CNTN5: variants seen among roughly 807,000 people sequenced by gnomAD.
The protein encoded by CNTN5 is contactin 5, also known as contactin-5.
CNTN5 carries 77 observed loss-of-function variants against 129.1 expected under a neutral mutation model. The ratio of observed to expected loss-of-function variants is 0.60; its 90% CI spans 0.50 to 0.72. The LOEUF is 0.72. Ranked by LOEUF, CNTN5 falls within the 30% of genes least tolerant of loss-of-function variation. CNTN5 has a pLI of 0.00. For synonymous variants in CNTN5, 509 were observed against 465.6 expected (o/e 1.09, Z -1.20); for missense variants, 1,478 against 1,328.8 (o/e 1.11, Z -1.75).
At chr11:99,352,765 C>A (rs1436107808) in intron 2 of CNTN5, among the ~76,000 whole-genome samples, 11 of 152,104 alleles carry the variant, frequency 7.2e-5, no homozygotes, top group Non-Finnish European at 1.5e-4. Flanking sequence ...GCTTATATAA[C>A]CTTGTGTTGA....
At position 99,107,938 on chromosome 11, in the gene CNTN5, TAAAA is replaced by T. The variant is rs55786739; in HGVS notation, c.-210+86687_-210+86690del. On this transcript the variant is annotated intron_variant, in intron 1 of 24. Transcript: ENST00000524871. ...AGAGCGAGACTCAGTCTCAAAAAAGTAAAAAAAAAAAAAAAAAAAAAAGGAAACT... is the reference window on the plus strand; with the variant it reads ...AGAGCGAGACTCAGTCTCAAAAAAGTAAAAAAAAAAAAAAAAAAGGAAACT... 3.7e-4 allele frequency among the ~76,000 whole-genome samples: 38 copies of T among 103,490 alleles called. 1 individual carries two copies. The highest frequency in any genetic ancestry group is 5.6e-3 in the Middle Eastern group (1 of 180). 67.9% of individuals were successfully genotyped at this position (103,490 alleles called of 152,430 possible).
At chr11:99,560,325 C>G (rs1948801598) in intron 3 of CNTN5, among the ~76,000 whole-genome samples, 1 of 150,800 alleles carries the variant, frequency 6.6e-6, no homozygotes, top group Admixed American at 6.6e-5. Context: ...TGGAGTTTCA[C>G]CTTGTCTCCC....
intron 3 of CNTN5, among the ~76,000 whole-genome samples, chr11:99,747,701 T>A (rs1043173316): frequency 2.0e-5 from 3 of 152,086 alleles, no homozygotes; most frequent in African/African-American, 4.8e-5. Context: ...TTCGATCTCC[T>A]GACCTTGTGA....
intron 16 of CNTN5, among the ~76,000 whole-genome samples, chr11:100,229,562 T>C (rs1159219203): frequency 1.3e-5 from 2 of 152,326 alleles, no homozygotes; most frequent in East Asian, 3.9e-4. Context: ...AAGTTTGACT[T>C]TTCTGCCTAT....
chr11:99,274,099 A>T (rs1235276609), intron 1 of CNTN5, among the ~76,000 whole-genome samples: 1 of 151,796 alleles, frequency 6.6e-6, no homozygotes, highest in African/African-American at 2.4e-5. Context: ...AGTGGCTAAC[A>T]TATTAGACTG....
At chr11:99,199,504 C>T (rs996520861) in intron 1 of CNTN5, among the ~76,000 whole-genome samples, 4 of 152,180 alleles carry the variant, frequency 2.6e-5, no homozygotes, top group African/African-American at 9.7e-5. Context: ...GCTCACCGTC[C>T]TGTGGGTTAG....
chr11:99,282,263 A>G (rs1217380568), intron 1 of CNTN5, among the ~76,000 whole-genome samples: 1 of 152,074 alleles, frequency 6.6e-6, no homozygotes, highest in African/African-American at 2.4e-5. Context: ...ACAAATATGG[A>G]CAATAAGCTA....
chr11:100,116,678 TATA>T (rs1945851320), intron 13 of CNTN5, among the ~76,000 whole-genome samples: 1 of 151,992 alleles, frequency 6.6e-6, no homozygotes. Context: ...ATAATGATAA[TATA>T]ATATCTTTTT....
Position 99,837,778 on chromosome 11 carries a change from G to A in CNTN5, c.278-7074G>A, listed in dbSNP as rs1947354024. On this transcript the variant is annotated intron_variant, in intron 4 of 24. Transcript: ENST00000524871. ...ATAATTTTAACATCAAGAATAAAGT[G>A]GGCTCTTAGGAAATACTTTATTGAG... 2.6e-5 allele frequency among the ~76,000 whole-genome samples: 4 copies of A among 151,326 alleles called. No individual in the cohort carries two copies. In the South Asian group the frequency reaches 8.3e-4, roughly 32 times the overall value.
chr11:100,200,320 G>T lies in CNTN5; in HGVS notation c.1884+6657G>T, dbSNP rs117540518. 4.7e-3 allele frequency among the ~76,000 whole-genome samples: 715 copies of T among 152,002 alleles called. 2 individuals are homozygous for T. The highest frequency in any genetic ancestry group is 0.016 in the South Asian group (78 of 4,824). ...GTCAAAATTAGTAAAATTAGGTAAC[G>T]TCTTCAAGTTGTCCCATATAAAAAG... On this transcript the variant is annotated intron_variant, in intron 15 of 24. Transcript: ENST00000524871.
intron 1 of CNTN5, among the ~76,000 whole-genome samples, chr11:99,108,573 A>G (rs538825144): frequency 1.3e-5 from 2 of 152,306 alleles, no homozygotes; most frequent in East Asian, 3.9e-4. Context: ...AACATCATAG[A>G]ATTTCTAATT....
chr11:99,258,280 T>C (rs561791359), intron 1 of CNTN5, among the ~76,000 whole-genome samples: 1 of 152,140 alleles, frequency 6.6e-6, no homozygotes, highest in East Asian at 1.9e-4. Flanking sequence ...ATTAGTTATT[T>C]TTCCTGATCC....
intron 6 of CNTN5, among the ~76,000 whole-genome samples, chr11:99,886,660 G>T (rs755726429): frequency 6.6e-6 from 1 of 152,042 alleles, no homozygotes; most frequent in Non-Finnish European, 1.5e-5. Flanking sequence ...AAAAATACTA[G>T]TAATGACGCT....
intron 3 of CNTN5, among the ~76,000 whole-genome samples, chr11:99,657,131 C>T (rs542418803): frequency 1.4e-4 from 21 of 151,540 alleles, no homozygotes; most frequent in Admixed American, 2.6e-4. Flanking sequence ...AATCGCAAAC[C>T]TCCAACAAAA....
At chr11:99,255,591 T>C (rs2135806050) in intron 1 of CNTN5, among the ~76,000 whole-genome samples, 1 of 151,730 alleles carries the variant, frequency 6.6e-6, no homozygotes, top group African/African-American at 2.4e-5. Context: ...CAAATAGATA[T>C]TCAGGAGATT....
chr11:100,145,765 CA>C (rs1224520455), intron 13 of CNTN5, among the ~76,000 whole-genome samples: 40 of 152,178 alleles, frequency 2.6e-4, no homozygotes, highest in African/African-American at 9.6e-4. Context: ...CAGTTCTAAG[CA>C]AACAGGGTTA....
At chr11:99,784,214 A>G (rs1015498698) in intron 3 of CNTN5, among the ~76,000 whole-genome samples, 2 of 152,038 alleles carry the variant, frequency 1.3e-5, no homozygotes, top group African/African-American at 2.4e-5. Flanking sequence ...TTACTTAGGT[A>G]TACATGTGCC....
At chr11:99,293,471 T>C (rs185938142) in intron 1 of CNTN5, among the ~76,000 whole-genome samples, 1 of 152,146 alleles carries the variant, frequency 6.6e-6, no homozygotes, top group Admixed American at 6.5e-5. Context: ...TTCAATTGTA[T>C]TGGAACAGTT....
At chr11:100,281,058 G>T (rs1950625040) in intron 18 of CNTN5, among the ~76,000 whole-genome samples, 1 of 151,962 alleles carries the variant, frequency 6.6e-6, no homozygotes, top group South Asian at 2.1e-4. Context: ...TTTGAATGTT[G>T]TTGTAGTTAT....
Sources: allele counts gnomAD v4.1 joint callset (sites outside exome capture counted in the v4.1 genomes callset), GRCh38; gene constraint gnomAD v4.1.1; transcripts MANE v1.5; gene names NCBI Gene and HGNC (gene_info 2026-07-23, HGNC 2026-07-21).